ZNF483: variants seen among roughly 807,000 people sequenced by gnomAD.
ZNF483 encodes zinc finger protein HIT-10.
ZNF483 carries 9 observed loss-of-function variants against 28.6 expected under a neutral mutation model. The observed-to-expected ratio is 0.32, with a 90% CI of 0.19 to 0.55. ZNF483 has a LOEUF of 0.55. Ranked by LOEUF, ZNF483 falls within the 20% of genes least tolerant of loss-of-function variation. The pLI, the probability that ZNF483 is intolerant of heterozygous loss-of-function variation, is 0.93. For synonymous variants in ZNF483, 322 were observed against 306.2 expected (o/e 1.05, Z -0.54); for missense variants, 675 against 871.7 (o/e 0.77, Z 2.84).
intron 5 of ZNF483, among the ~76,000 whole-genome samples, chr9:111,537,190 T>C (rs1361537366): frequency 1.3e-5 from 2 of 151,842 alleles, no homozygotes; most frequent in Non-Finnish European, 2.9e-5. Flanking sequence ...CCTGGAGACA[T>C]AAACTGCTTA....
At chr9:111,534,136 T>C (rs1268203364) in intron 4 of ZNF483, 125 bp from the exon 5 acceptor site, 1 of 874,854 alleles carries the variant, frequency 1.1e-6, no homozygotes, top group Admixed American at 2.3e-5. Context: ...AGTTCCAGTA[T>C]TTATGTCTGT....
At chr9:111,574,695 G>C (rs1339262371) in intron 5 of ZNF483, 1 of 1,455,432 alleles carries the variant, frequency 6.9e-7, no homozygotes, top group East Asian at 2.3e-5. Context: ...TCCTTGTCCA[G>C]CCTTGTGACA....
Position 111,576,566 on chromosome 9 carries a change from G to C in ZNF483, c.*152G>C, listed in dbSNP as rs73656267. Reference sequence around the variant, plus strand: ...GGTATTAGCTAGTGGAGTGGCCATAGGCAAGTTACTTAACACTTCTGAACC... The same window carrying C: ...GGTATTAGCTAGTGGAGTGGCCATACGCAAGTTACTTAACACTTCTGAACC... On this transcript the variant is annotated 3_prime_UTR_variant, in exon 6 of 6. Coordinates refer to the ZNF483 transcript ENST00000358151. 4.2e-3 allele frequency: 3,707 copies of C among 891,482 alleles called. 101 individuals are homozygous for C. The African/African-American group carries it at 0.055, about 13-fold the overall frequency. 55.2% of individuals were successfully genotyped at this position (891,482 alleles called of 1,614,324 possible).
intron 5 of ZNF483, among the ~76,000 whole-genome samples, chr9:111,565,048 C>T (rs905386681): frequency 2.6e-5 from 4 of 151,994 alleles, no homozygotes; most frequent in Admixed American, 6.6e-5. Flanking sequence ...CACATGAACC[C>T]GGCAGGCGGA....
intron 5 of ZNF483, chr9:111,563,184 C>G: frequency 6.2e-7 from 1 of 1,613,966 alleles, no homozygotes; most frequent in Non-Finnish European, 8.5e-7. Context: ...ATGCAGCTGG[C>G]ATGTTTTCAA....
chr9:111,555,031 G>T lies in ZNF483; in HGVS notation c.*11861G>T, dbSNP rs1050922892. On this transcript the variant is annotated 3_prime_UTR_variant, in exon 6 of 6. Coordinates refer to ENST00000309235, the MANE Select transcript of ZNF483 (RefSeq NM_133464.5). ...GAGAAGGATGTTCTAGTCAGCATGGGGGATATAAGCCTGGCTACCATTACT... is the reference window on the plus strand; with the variant it reads ...GAGAAGGATGTTCTAGTCAGCATGGTGGATATAAGCCTGGCTACCATTACT... Among the ~76,000 whole-genome samples, 1 of 152,152 alleles carries T rather than the reference G, an allele frequency of 6.6e-6. No individual in the cohort carries two copies. The highest frequency in any genetic ancestry group is 1.5e-5 in the Non-Finnish European group (1 of 68,038).
rs1827877215 is a variant in ZNF483, at chr9:111,549,501, C to CT, written c.*6337dup. 1.3e-5 allele frequency among the ~76,000 whole-genome samples: 2 copies of CT among 152,216 alleles called. No homozygotes were observed. The highest frequency in any genetic ancestry group is 2.1e-4 in the South Asian group (1 of 4,824). On this transcript the variant is annotated 3_prime_UTR_variant, in exon 6 of 6. Transcript: ENST00000309235. ...TGGTGAGGTATCTTTCTCTCAGAGT[C>CT]TTTTTTATGAAGTCTGATGTTGAGA...
intron 5 of ZNF483, chr9:111,563,080 T>G (rs756683877): frequency 6.2e-7 from 1 of 1,602,170 alleles, no homozygotes; most frequent in Non-Finnish European, 8.5e-7. Flanking sequence ...ACAAATTAAC[T>G]AATCATCTAA....
Position 111,527,719 on chromosome 9 carries a change from C to G in ZNF483, c.324C>G (p.Ile108Met), listed in dbSNP as rs1165852977. The part of the protein sequence containing the change: ...EQFLTILPGE[I>M]RIWVKSQHPE... ...TCCTGACCATTTTGCCTGGGGAGAT[C>G]AGGATTTGGGTAAAGTCACAACATC... The change falls in exon 2 of 6, where the codon ATC becomes ATG. Residue 108 changes from isoleucine to methionine, a missense_variant. Physicochemically the swap from Ile to Met is conservative, Grantham distance 10. This residue lies in a region of ZNF483 where 525 missense variants were observed against 581.8 expected (regional missense o/e 0.90). Coordinates refer to ENST00000309235, the MANE Select transcript of ZNF483 (RefSeq NM_133464.5). 6.2e-7 allele frequency: 1 copy of G among 1,613,938 alleles called. No homozygotes were observed. The highest frequency in any genetic ancestry group is 1.3e-5 in the African/African-American group (1 of 74,908).
At position 111,527,804 on chromosome 9, in the gene ZNF483, A is replaced by C; in HGVS notation, c.409A>C (p.Lys137Gln). 6.2e-7 allele frequency: 1 copy of C among 1,614,178 alleles called. No individual in the cohort carries two copies. Among genetic ancestry groups the C allele is most frequent in the Non-Finnish European group, 8.5e-7 (1 of 1,180,034 alleles). Residue 137 changes from lysine to glutamine, a missense_variant, in exon 2 of 6, where the codon AAA (lysine) becomes CAA (glutamine). Lys to Gln is a moderately conservative substitution (Grantham distance 53). Around this residue, in one of 6 missense-constraint regions of ZNF483, gnomAD observed 525 missense variants for 581.8 expected, o/e 0.90. Transcript: ENST00000309235. ...AGATTTGACCCAGATGCTTGAAGAA[A>C]AAGGTGAGATTTATAGATGGAGGGA... ...IEDLTQMLEE[K>Q]DPVSQDSTVS...
intron 5 of ZNF483, among the ~76,000 whole-genome samples, chr9:111,536,394 G>A (rs1332192390): frequency 6.6e-6 from 1 of 151,766 alleles, no homozygotes. Flanking sequence ...GCTTGGTGGT[G>A]GGCGCCTGTA....
At chr9:111,567,710 G>T (rs1398236081) in intron 5 of ZNF483, among the ~76,000 whole-genome samples, 1 of 152,186 alleles carries the variant, frequency 6.6e-6, no homozygotes, top group Non-Finnish European at 1.5e-5. Context: ...AGAACGGCAG[G>T]ATTTGATTTG....
At chr9:111,564,710 T>TAGAG (rs1197128271) in intron 5 of ZNF483, among the ~76,000 whole-genome samples, 1 of 152,090 alleles carries the variant, frequency 6.6e-6, no homozygotes, top group Non-Finnish European at 1.5e-5. Flanking sequence ...AGGTTATAAA[T>TAGAG]AGAGAACGAA....
intron 5 of ZNF483, among the ~76,000 whole-genome samples, chr9:111,538,123 G>A (rs1415950209): frequency 6.7e-6 from 1 of 149,154 alleles, no homozygotes; most frequent in African/African-American, 2.5e-5. Flanking sequence ...CATTTTTGGG[G>A]TTGTTTTTTT....
Position 111,543,374 on chromosome 9 carries a change from A to G in ZNF483, c.*204A>G. 2 of 1,325,720 alleles carry G rather than the reference A, an allele frequency of 1.5e-6. No homozygotes were observed. Among genetic ancestry groups the G allele is most frequent in the South Asian group, 4.3e-5 (2 of 46,174 alleles). The allele number at this position is 1,325,720 out of a possible 1,614,324, so 82.1% of individuals were successfully genotyped here. Reference sequence around the variant, plus strand: ...GTAATTAGTTGGTAAAGTCACTGGAAAGGGAAGAATGCAAAATGATTCTGA... The same window carrying G: ...GTAATTAGTTGGTAAAGTCACTGGAGAGGGAAGAATGCAAAATGATTCTGA... On this transcript the variant is annotated 3_prime_UTR_variant, in exon 6 of 6. Coordinates refer to ENST00000309235, the MANE Select transcript of ZNF483 (RefSeq NM_133464.5).
At chr9:111,574,783 G>A in intron 5 of ZNF483, 1 of 1,613,892 alleles carries the variant, frequency 6.2e-7, no homozygotes, top group Non-Finnish European at 8.5e-7. Flanking sequence ...CTCCACATAT[G>A]GCAATCCTTC....
Position 111,542,250 on chromosome 9 carries a change from C to A in ZNF483, c.1315C>A (p.His439Asn). Residue 439 changes from histidine to asparagine, a missense_variant, in exon 6 of 6, where the codon CAT becomes AAT. Around this residue, in one of 6 missense-constraint regions of ZNF483, gnomAD observed 525 missense variants for 581.8 expected, o/e 0.90. Coordinates refer to ENST00000309235, the MANE Select transcript of ZNF483 (RefSeq NM_133464.5). This position sits in a 1 kb window ranked among gnomAD's most constrained non-coding sequence, Gnocchi z 6.2. ...DEGNESGEKT[H>N]KCSKCGKAFG... ...GGGAAATGAGAGTGGAGAAAAAACT[C>A]ATAAATGTAGTAAGTGTGGAAAAGC... 1.2e-6 allele frequency: 2 copies of A among 1,614,108 alleles called. No individual in the cohort carries two copies. Among genetic ancestry groups the A allele is most frequent in the South Asian group, 1.1e-5 (1 of 91,080 alleles).
intron 5 of ZNF483, among the ~76,000 whole-genome samples, chr9:111,539,053 C>G (rs1438785570): frequency 1.5e-5 from 2 of 133,914 alleles, no homozygotes; most frequent in Non-Finnish European, 3.1e-5. Context: ...GCGGAGCTTG[C>G]AGTGAGCTGA....
chr9:111,572,052 C>A (rs1828841909), intron 5 of ZNF483, among the ~76,000 whole-genome samples: 1 of 152,170 alleles, frequency 6.6e-6, no homozygotes, highest in Non-Finnish European at 1.5e-5. Context: ...GGAAGTCAGG[C>A]GAAGATGCCT....
Sources: gnomAD v4.1 joint callset for allele counts (sites outside exome capture counted in the v4.1 genomes callset) on GRCh38, gnomAD v4.1.1 for gene constraint, gnomAD v4.1.1 regional missense constraint, Gnocchi (gnomAD v3.1) non-coding constraint, MANE v1.5 for transcripts, NCBI Gene and HGNC (gene_info 2026-07-23, HGNC 2026-07-21) for gene names.